Variants in OPA3 observed in about 807,000 individuals in gnomAD.
OPA3 encodes the protein optic atrophy 3 protein.
Under a neutral mutation model 4.0 loss-of-function variants are expected in OPA3, and 6 were observed. The ratio of observed to expected loss-of-function variants is 1.51; its 90% confidence interval spans 0.83 to 2.99. The LOEUF (loss-of-function observed/expected upper bound fraction) is 2.99, where lower values mean the gene tolerates loss of function less well. OPA3 is among the 30% of genes most tolerant of loss of function. The pLI is 0.00. For missense variants in OPA3, 235 were observed against 256.2 expected, an observed-to-expected ratio of 0.92 and a Z score of 0.56; for synonymous variants, 105 against 117.1, an observed-to-expected ratio of 0.90 and a Z score of 0.67.
At chr19:45,570,236 T>C (rs529725839) in intron 1 of OPA3, among the ~76,000 whole-genome samples, 2 of 152,212 alleles carry the variant, frequency 1.3e-5, no homozygotes, top group East Asian at 3.9e-4. Flanking sequence ...TAGCCATGAG[T>C]ACATGAGCAA....
chr19:45,552,925 C>T lies in OPA3; in HGVS notation c.*589G>A, dbSNP rs1227629226. On this transcript the variant is annotated 3_prime_UTR_variant, in exon 2 of 2. Coordinates refer to ENST00000263275, the MANE Select transcript of OPA3 (RefSeq NM_025136.4). The stretch of plus-strand genomic sequence containing the variant: ...TCCTGACCTCAAGTGATCCGCCCGC[C>T]TCGGCCTCCCAAGGTGCTAGGATTA... 2.2e-6 allele frequency: 2 copies of T among 922,320 alleles called. No homozygotes were observed. Among genetic ancestry groups the T allele is most frequent in the Admixed American group, 1.2e-4 (2 of 16,352 alleles). 57.1% of individuals were successfully genotyped at this position (922,320 alleles called of 1,614,324 possible).
rs868846381 is a variant in OPA3 at position 45,549,502 on chromosome 19, G to C, written c.*4012C>G. ...TCCCACCTCTGTTTTTTTTTTTTGA[G>C]TTGAGTCTCACTCTGTCACCCAGGC... On this transcript the variant is annotated 3_prime_UTR_variant, in exon 2 of 2. Coordinates refer to ENST00000263275, the MANE Select transcript of OPA3 (RefSeq NM_025136.4). 2.0e-6 allele frequency: 2 copies of C among 975,960 alleles called. No individual in the cohort carries two copies. Among genetic ancestry groups the C allele is most frequent in the South Asian group, 4.7e-5 (1 of 21,090 alleles). 60.5% of individuals were successfully genotyped at this position (975,960 alleles called of 1,614,324 possible). A position where few individuals can be genotyped will look rare whatever the true frequency, so the allele number is the denominator to read the frequency against.
At chr19:45,530,084 T>A (rs537931694) in intron 1 of OPA3, among the ~76,000 whole-genome samples, 2 of 152,242 alleles carry the variant, frequency 1.3e-5, no homozygotes, top group East Asian at 3.9e-4. Flanking sequence ...CTGGGCGCGG[T>A]GGCTCATGCC....
At chr19:45,568,420 C>A (rs547141546) in intron 1 of OPA3, among the ~76,000 whole-genome samples, 1 of 152,080 alleles carries the variant, frequency 6.6e-6, no homozygotes, top group Non-Finnish European at 1.5e-5. Flanking sequence ...GAACTCCTGA[C>A]CTCAGGTGAT....
chr19:45,544,029 A>G (rs989324420), downstream of OPA3, among the ~76,000 whole-genome samples: 7 of 152,296 alleles, frequency 4.6e-5, no homozygotes, highest in African/African-American at 1.4e-4. Context: ...AGTGTTTTGC[A>G]TGTATTAATT....
chr19:45,547,987 A>T lies in OPA3; in HGVS notation c.*5527T>A. The T allele has an allele frequency of 2.2e-6, 1 of 461,790 alleles. No individual in the cohort carries two copies. Among genetic ancestry groups the T allele is most frequent in the Non-Finnish European group, 2.8e-6 (1 of 351,782 alleles). 28.6% of individuals were successfully genotyped at this position (461,790 alleles called of 1,614,324 possible). On this transcript the variant is annotated 3_prime_UTR_variant, in exon 2 of 2. Transcript: ENST00000263275. ...GCTGAGATTACAGGTGTGAGCCACC[A>T]CGCCTGGCCACTCTTTCCTTCTTTA...
At chr19:45,543,713 C>T (rs750153477), downstream of OPA3, among the ~76,000 whole-genome samples, 10 of 151,862 alleles carry the variant, frequency 6.6e-5, no homozygotes, top group South Asian at 2.1e-4. Context: ...GCAATCCTCC[C>T]GCCTCAGCCT....
At chr19:45,573,232 G>A (rs1969714780) in intron 1 of OPA3, among the ~76,000 whole-genome samples, 1 of 151,996 alleles carries the variant, frequency 6.6e-6, no homozygotes, top group African/African-American at 2.4e-5. Flanking sequence ...CAGGCCAAGT[G>A]ATACGGTGTG....
chr19:45,569,198 C>T (rs1430950918), intron 1 of OPA3, among the ~76,000 whole-genome samples: 1 of 152,186 alleles, frequency 6.6e-6, no homozygotes, highest in Non-Finnish European at 1.5e-5. Flanking sequence ...GTGGCTCACG[C>T]CTGTAATCCC....
At chr19:45,532,353 GA>G (rs1300119674) in intron 1 of OPA3, among the ~76,000 whole-genome samples, 1 of 152,184 alleles carries the variant, frequency 6.6e-6, no homozygotes, top group Non-Finnish European at 1.5e-5. Context: ...ACAACCATGA[GA>G]ATAACTGATC....
At position 45,550,378 on chromosome 19, in the gene OPA3, G is replaced by C. The variant is rs967253553; in HGVS notation, c.*3136C>G. 2.0e-5 allele frequency: 19 copies of C among 949,920 alleles called. No homozygotes were observed. The highest frequency in any genetic ancestry group is 2.2e-5 in the African/African-American group (1 of 45,018). The allele number at this position is 949,920 out of a possible 1,614,324, so 58.8% of individuals were successfully genotyped here. A position where few individuals can be genotyped will look rare whatever the true frequency, so the allele number is the denominator to read the frequency against. On this transcript the variant is annotated 3_prime_UTR_variant, in exon 2 of 2. Coordinates refer to ENST00000263275, the MANE Select transcript of OPA3 (RefSeq NM_025136.4). The stretch of plus-strand genomic sequence containing the variant: ...GGTCACCCAGTTTACACAATGCTAT[G>C]ATCTCTGGTGTGATCTGGGGCTGCT...
chr19:45,539,289 G>C (rs1295744524), intron 1 of OPA3, among the ~76,000 whole-genome samples: 1 of 152,024 alleles, frequency 6.6e-6, no homozygotes, highest in Non-Finnish European at 1.5e-5. Flanking sequence ...AAAGTAGTTT[G>C]GCAGTTTCTT....
Position 45,548,248 on chromosome 19 carries a change from AGATCAGGT to A in OPA3, c.*5258_*5265del. 1.0e-6 allele frequency: 1 copy of A among 985,588 alleles called. No homozygotes were observed. The highest frequency in any genetic ancestry group is 1.2e-6 in the Non-Finnish European group (1 of 829,970). 61.1% of individuals were successfully genotyped at this position (985,588 alleles called of 1,614,324 possible). A position where few individuals can be genotyped will look rare whatever the true frequency, so the allele number is the denominator to read the frequency against. On this transcript the variant is annotated 3_prime_UTR_variant, in exon 2 of 2. Coordinates refer to ENST00000263275, the MANE Select transcript of OPA3 (RefSeq NM_025136.4). Reference sequence around the variant, plus strand: ...CCCAGGAGTAGCTCCGTGAGCCAATAGATCAGGTTGGGGCTTATGTAAAGCCCATTTTC... The same window carrying A: ...CCCAGGAGTAGCTCCGTGAGCCAATATGGGGCTTATGTAAAGCCCATTTTC...
At position 45,529,138 on chromosome 19, in the gene OPA3, G is replaced by A. The variant is rs1159665719; in HGVS notation, c.461C>T (p.Ala154Val). 4 of 1,609,384 alleles carry A rather than the reference G, an allele frequency of 2.5e-6. No homozygotes were observed. In the South Asian group the frequency reaches 4.4e-5, roughly 18 times the overall value. The change falls in exon 2 of 2, where the codon GCT becomes GTT. Residue 154 changes from alanine to valine, a missense_variant. Ala to Val is a moderately conservative substitution (Grantham distance 64). Transcript: ENST00000323060. The stretch of plus-strand genomic sequence containing the variant: ...GTGGGCTCGCACCTCCTGCAGCTGA[G>A]CGCGCAGCTCCTCCAGGGCGAGCTG...
intron 1 of OPA3, among the ~76,000 whole-genome samples, chr19:45,557,357 G>C (rs1371962131): frequency 6.6e-6 from 1 of 152,152 alleles, no homozygotes; most frequent in Non-Finnish European, 1.5e-5. Context: ...TCAGATGTGG[G>C]GTTCAGGAAA....
intron 1 of OPA3, among the ~76,000 whole-genome samples, chr19:45,555,855 C>T (rs1969413692): frequency 2.0e-5 from 3 of 151,900 alleles, no homozygotes; most frequent in Non-Finnish European, 2.9e-5. Flanking sequence ...TGGTCTTGAA[C>T]TCCTGGGCTC....
chr19:45,559,173 C>T (rs372523323), intron 1 of OPA3, among the ~76,000 whole-genome samples: 16 of 151,936 alleles, frequency 1.1e-4, no homozygotes, highest in Middle Eastern at 3.2e-3. Flanking sequence ...TGTGAGCCAC[C>T]GTGTCTGGCC....
intron 1 of OPA3, among the ~76,000 whole-genome samples, chr19:45,563,721 A>G (rs911450490): frequency 5.3e-5 from 8 of 151,646 alleles, no homozygotes; most frequent in African/African-American, 1.9e-4. Flanking sequence ...ATGCCCTGCT[A>G]ATTTTTGTAC....
At chr19:45,530,927 CTTTTTTTTTTTTTTT>C (rs71173176) in intron 1 of OPA3, among the ~76,000 whole-genome samples, 372 of 35,450 alleles carry the variant, frequency 0.01, 10 homozygotes, top group Middle Eastern at 0.094. Flanking sequence ...ATGTCACCTA[CTTTTTTTTTTTTTTT>C]TTTTTTTTTT....
Sources: gnomAD v4.1 joint callset for allele counts (sites outside exome capture counted in the v4.1 genomes callset) on GRCh38, gnomAD v4.1.1 for gene constraint, MANE v1.5 for transcripts, NCBI Gene and HGNC (gene_info 2026-07-23, HGNC 2026-07-21) for gene names.